TMEM132B: variants seen among roughly 807,000 people sequenced by gnomAD.
The protein encoded by TMEM132B is transmembrane protein 132B.
A neutral mutation model predicts 90.8 loss-of-function variants in TMEM132B; 18 were observed. That is an observed-to-expected ratio of 0.20 (90% CI 0.14 to 0.29). The LOEUF (loss-of-function observed/expected upper bound fraction) is 0.29. Ranked by LOEUF, TMEM132B falls within the 10% of genes least tolerant of loss-of-function variation. TMEM132B has a pLI of 1.00. For synonymous variants in TMEM132B, 504 were observed against 523.3 expected, an observed-to-expected ratio of 0.96 and a Z score of 0.50; for missense variants, 1,096 against 1,326.8, an observed-to-expected ratio of 0.83 and a Z score of 2.70.
At chr12:125,332,908 G>A (rs1876831098) in intron 1 of TMEM132B, among the ~76,000 whole-genome samples, 1 of 152,126 alleles carries the variant, frequency 6.6e-6, no homozygotes, top group Non-Finnish European at 1.5e-5. Context: ...GAGCGATTTC[G>A]GATTGCCCAG....
At chr12:125,451,517 T>G (rs1160221162) in intron 3 of TMEM132B, among the ~76,000 whole-genome samples, 10 of 152,206 alleles carry the variant, frequency 6.6e-5, no homozygotes, top group Admixed American at 6.5e-4. Flanking sequence ...GTAATATTCT[T>G]GCAACTTTTT....
chr12:125,605,385 G>C (rs1456252558), intron 5 of TMEM132B, among the ~76,000 whole-genome samples: 1 of 152,142 alleles, frequency 6.6e-6, no homozygotes, highest in Non-Finnish European at 1.5e-5. Context: ...GGTGGCAACT[G>C]CAACAAGTCT....
At chr12:125,613,729 A>G (rs1031211122) in intron 5 of TMEM132B, among the ~76,000 whole-genome samples, 7 of 152,022 alleles carry the variant, frequency 4.6e-5, no homozygotes, top group Non-Finnish European at 2.9e-5. Flanking sequence ...TTACATGTCT[A>G]TATGTTATAA....
intron 3 of TMEM132B, among the ~76,000 whole-genome samples, chr12:125,465,966 A>C (rs1195615171): frequency 6.6e-6 from 1 of 152,110 alleles, no homozygotes; most frequent in Non-Finnish European, 1.5e-5. Context: ...AGCTGCTGGC[A>C]CCATGCTTCC....
At chr12:125,200,020 C>T (rs753600823) in intron 1 of TMEM132B, among the ~76,000 whole-genome samples, 15 of 152,058 alleles carry the variant, frequency 9.9e-5, no homozygotes, top group South Asian at 2.1e-4. Context: ...GAATGGATAC[C>T]GGGCACAAAG....
intron 2 of TMEM132B, among the ~76,000 whole-genome samples, chr12:125,395,093 A>G (rs1027489251): frequency 1.3e-5 from 2 of 152,318 alleles, no homozygotes; most frequent in South Asian, 2.1e-4. Context: ...ATGTATGTAT[A>G]TGTGCATGTG....
At chr12:125,633,267 G>C (rs1416768635) in intron 5 of TMEM132B, among the ~76,000 whole-genome samples, 1 of 152,034 alleles carries the variant, frequency 6.6e-6, no homozygotes, top group Non-Finnish European at 1.5e-5. Flanking sequence ...ATTTCTGCTT[G>C]TTTTTAATTA....
chr12:125,621,863 A>C (rs1460675820), intron 5 of TMEM132B, among the ~76,000 whole-genome samples: 2 of 152,238 alleles, frequency 1.3e-5, no homozygotes, highest in Non-Finnish European at 2.9e-5. Context: ...ACGTGATCAT[A>C]AAATGACAGG....
chr12:125,350,135 C>A lies in TMEM132B; in HGVS notation c.751C>A (p.Leu251Met). Residue 251 changes from leucine (L) to methionine (M), a missense_variant, in exon 2 of 9, where the codon CTG becomes ATG. By Grantham distance (15) the Leu-to-Met change is conservative. Transcript: ENST00000682704. ...GKWENNIHSG[L>M]ESPQQAFPAR... is the part of the protein sequence containing the mutation. ...GTGGGAGAACAATATCCACTCGGGC[C>A]TGGAGAGCCCCCAGCAAGCGTTTCC... The A allele has an allele frequency of 6.2e-7, 1 of 1,614,228 alleles. No individual in the cohort carries two copies. Among genetic ancestry groups the A allele is most frequent in the Middle Eastern group, 1.6e-4 (1 of 6,062 alleles).
At chr12:125,524,689 G>C (rs1306006710) in intron 4 of TMEM132B, among the ~76,000 whole-genome samples, 1 of 152,218 alleles carries the variant, frequency 6.6e-6, no homozygotes, top group East Asian at 1.9e-4. Context: ...GTGTTATCTA[G>C]CCATCTATAG....
At chr12:125,483,088 C>T (rs1882093395) in intron 3 of TMEM132B, among the ~76,000 whole-genome samples, 1 of 143,806 alleles carries the variant, frequency 7.0e-6, no homozygotes, top group South Asian at 2.4e-4. Flanking sequence ...CACACTGGGG[C>T]CTGTCGTGGG....
chr12:125,610,440 T>C (rs536961518), intron 5 of TMEM132B, among the ~76,000 whole-genome samples: 9 of 152,336 alleles, frequency 5.9e-5, no homozygotes, highest in East Asian at 3.9e-4. Flanking sequence ...AGTTTGTTGA[T>C]AGTTTTTAAC....
intron 1 of TMEM132B, among the ~76,000 whole-genome samples, chr12:125,315,318 C>A (rs2136183062): frequency 6.6e-6 from 1 of 152,354 alleles, no homozygotes; most frequent in South Asian, 2.1e-4. Flanking sequence ...CCTGCCTCAG[C>A]CTCCCAAGTA....
chr12:125,269,646 T>C (rs1269736835), intron 1 of TMEM132B, among the ~76,000 whole-genome samples: 1 of 152,188 alleles, frequency 6.6e-6, no homozygotes, highest in Non-Finnish European at 1.5e-5. Context: ...TATATCTCCC[T>C]AGTTCAGTAG....
chr12:125,505,758 A>G (rs935338461), intron 3 of TMEM132B, among the ~76,000 whole-genome samples: 2 of 152,162 alleles, frequency 1.3e-5, no homozygotes, highest in Non-Finnish European at 2.9e-5. Flanking sequence ...GATGGAAGAA[A>G]GAGTCAGTGA....
chr12:125,413,849 G>A (rs1304669910), intron 2 of TMEM132B, among the ~76,000 whole-genome samples: 2 of 151,864 alleles, frequency 1.3e-5, no homozygotes, highest in Non-Finnish European at 2.9e-5. Context: ...ATTCATTTAG[G>A]TATATACCTA....
chr12:125,231,111 C>T (rs113122561), intron 1 of TMEM132B, among the ~76,000 whole-genome samples: 6 of 152,144 alleles, frequency 3.9e-5, no homozygotes, highest in Non-Finnish European at 1.5e-5. Flanking sequence ...CCTTCCTTGC[C>T]TCTTCCAGCT....
chr12:125,373,340 C>CAAAT (rs1878359693), intron 2 of TMEM132B, among the ~76,000 whole-genome samples: 1 of 152,084 alleles, frequency 6.6e-6, no homozygotes, highest in Non-Finnish European at 1.5e-5. Context: ...AAAATGTGAC[C>CAAAT]GTATTTGGAT....
chr12:125,589,355 G>C (rs567910774), intron 5 of TMEM132B, among the ~76,000 whole-genome samples: 2 of 151,658 alleles, frequency 1.3e-5, no homozygotes, highest in Non-Finnish European at 3.0e-5. Flanking sequence ...AGTGGCGGGG[G>C]CCTGTAGTCC....
Sources: allele counts gnomAD v4.1 joint callset (sites outside exome capture counted in the v4.1 genomes callset), GRCh38; gene constraint gnomAD v4.1.1; transcripts MANE v1.5; gene names NCBI Gene and HGNC (gene_info 2026-07-23, HGNC 2026-07-21).